Variants in PSEN2 observed in about 807,000 individuals in gnomAD.
PSEN2 encodes the protein presenilin-2.
In PSEN2, 32 loss-of-function variants were observed where a neutral mutation model predicts 49.1. That is an observed-to-expected ratio of 0.65 (90% CI 0.49 to 0.88). The LOEUF is 0.88. Ranked by LOEUF, PSEN2 falls within the 40% of genes least tolerant of loss-of-function variation. The pLI is 0.00. For synonymous variants in PSEN2, 255 were observed against 244.0 expected, an observed-to-expected ratio of 1.05 and a Z score of -0.42; for missense variants, 522 against 586.9, an observed-to-expected ratio of 0.89 and a Z score of 1.14.
chr1:226,873,841 C>T (rs1159129840), intron 2 of PSEN2, among the ~76,000 whole-genome samples: 1 of 152,202 alleles, frequency 6.6e-6, no homozygotes, highest in Non-Finnish European at 1.5e-5. Context: ...GTTATGCCTT[C>T]AGAATTTTCC....
intron 6 of PSEN2, among the ~76,000 whole-genome samples, chr1:226,886,766 G>A (rs568198282): frequency 1.3e-5 from 2 of 152,250 alleles, no homozygotes; most frequent in South Asian, 4.1e-4. Flanking sequence ...AAAGCCATGG[G>A]AGGGGCTGCA....
intron 3 of PSEN2, among the ~76,000 whole-genome samples, chr1:226,879,228 G>T (rs1219945463): frequency 6.6e-6 from 1 of 152,134 alleles, no homozygotes; most frequent in Non-Finnish European, 1.5e-5. Flanking sequence ...AGATGATGAA[G>T]GAACTAAAGC....
chr1:226,891,336 C>A lies in PSEN2; in HGVS notation c.945C>A (p.Leu315=). 6.2e-7 allele frequency: 1 copy of A among 1,613,804 alleles called. No homozygotes were observed. The highest frequency in any genetic ancestry group is 8.5e-7 in the Non-Finnish European group (1 of 1,179,930). Residue 315 remains leucine, a synonymous_variant, in exon 10 of 13, where the codon CTC becomes CTA. Coordinates refer to ENST00000366783, the MANE Select transcript of PSEN2 (RefSeq NM_000447.3). ...TGGACCCCTCCTCTCAGGGTGCCCT[C>A]CAGCTCCCCTACGACCCGGAGATGG... is the stretch of plus-strand genomic sequence containing the variant. ...AKLDPSSQGA[L]QLPYDPEMEE... is the part of the protein sequence containing the mutation.
rs199538648 is a variant in PSEN2, at chr1:226,880,695, C to T, written c.-20-1193C>T. ...GCCAGGCATTGTTTGAAGTTCTTCCCAGCCCAGAAACCTGCATGTGTAGAT... is the reference window on the plus strand; with the variant it reads ...GCCAGGCATTGTTTGAAGTTCTTCCTAGCCCAGAAACCTGCATGTGTAGAT... On this transcript the variant is annotated intron_variant, in intron 3 of 12. Coordinates refer to ENST00000366783, the MANE Select transcript of PSEN2 (RefSeq NM_000447.3). The T allele has an allele frequency of 7.4e-6, 12 of 1,612,794 alleles. No homozygotes were observed. In the East Asian group the frequency reaches 2.4e-4, roughly 33 times the overall value.
At chr1:226,885,769 A>C in intron 6 of PSEN2, 90 bp downstream of exon 6, 2 of 1,538,330 alleles carry the variant, frequency 1.3e-6, no homozygotes, top group Non-Finnish European at 1.8e-6. Flanking sequence ...GCCTTTAGAA[A>C]AACACAAATT....
intron 12 of PSEN2, among the ~76,000 whole-genome samples, chr1:226,894,902 A>C (rs1296106923): frequency 6.6e-6 from 1 of 152,160 alleles, no homozygotes; most frequent in African/African-American, 2.4e-5. Flanking sequence ...CTGGCCCCAA[A>C]GATATAGAAG....
chr1:226,896,994 C>T (rs902298819), downstream of PSEN2, among the ~76,000 whole-genome samples: 1 of 152,110 alleles, frequency 6.6e-6, no homozygotes, highest in African/African-American at 2.4e-5. Flanking sequence ...TTCCCCCAGG[C>T]TGTTTGAGGA....
chr1:226,896,719 A>G (rs895698944), downstream of PSEN2, among the ~76,000 whole-genome samples: 4 of 152,012 alleles, frequency 2.6e-5, no homozygotes, highest in African/African-American at 9.7e-5. Flanking sequence ...AAATTAGCCA[A>G]GCATGGTGGC....
intron 3 of PSEN2, 67 bp from the exon 4 acceptor site, chr1:226,881,821 C>T (rs1661011135): frequency 5.6e-6 from 9 of 1,598,856 alleles, no homozygotes; most frequent in Non-Finnish European, 7.7e-6. Flanking sequence ...TCCAGCCACC[C>T]CCTGAGTCCT....
intron 3 of PSEN2, among the ~76,000 whole-genome samples, chr1:226,878,425 A>C (rs975168878): frequency 6.6e-6 from 1 of 152,132 alleles, no homozygotes; most frequent in Non-Finnish European, 1.5e-5. Context: ...AACTGATTCT[A>C]CTTGATCCTG....
intron 11 of PSEN2, among the ~76,000 whole-genome samples, 178 bp from the exon 12 acceptor site, chr1:226,893,829 T>C (rs1428350901): frequency 6.6e-6 from 1 of 150,944 alleles, no homozygotes; most frequent in Non-Finnish European, 1.5e-5. Context: ...GCTTTCCCAC[T>C]GGCCACTGAT....
In PSEN2 at chr1:226,891,273, C is replaced by G; in HGVS notation, c.887-5C>G. Reference sequence around the variant, plus strand: ...CTGAGATGTGAACCTTTTCTCCTCCCCCAGCTGCCATGGTGTGGACGGTTG... The same window carrying G: ...CTGAGATGTGAACCTTTTCTCCTCCGCCAGCTGCCATGGTGTGGACGGTTG... On this transcript the variant is annotated splice_polypyrimidine_tract_variant and splice_region_variant and intron_variant, in intron 9 of 12. Transcript: ENST00000366783. The G allele has an allele frequency of 6.2e-7, 1 of 1,613,474 alleles. No homozygotes were observed. Among genetic ancestry groups the G allele is most frequent in the Non-Finnish European group, 8.5e-7 (1 of 1,179,842 alleles).
At chr1:226,877,757 T>C (rs1164569633) in intron 3 of PSEN2, among the ~76,000 whole-genome samples, 1 of 152,238 alleles carries the variant, frequency 6.6e-6, no homozygotes, top group African/African-American at 2.4e-5. Flanking sequence ...AGGGAACACT[T>C]GTTTTCTGGT....
intron 4 of PSEN2, among the ~76,000 whole-genome samples, chr1:226,883,331 T>C (rs1192823455): frequency 2.0e-5 from 3 of 152,228 alleles, no homozygotes; most frequent in Admixed American, 1.3e-4. Context: ...AAATGTTTAT[T>C]TATCTCCTGG....
chr1:226,870,777 C>T (rs1283664948), intron 1 of PSEN2, 128 bp downstream of exon 1: 2 of 152,318 alleles, frequency 1.3e-5, no homozygotes, highest in African/African-American at 2.4e-5. Context: ...CGGTCCCTTC[C>T]CCGGCTGTGG....
At chr1:226,898,091 G>A (rs1317288311), downstream of PSEN2, 1 of 152,074 alleles carries the variant, frequency 6.6e-6, no homozygotes, top group East Asian at 1.9e-4. Context: ...TGAGTAGCTG[G>A]GATTACAGTT....
chr1:226,901,033 C>T (rs79200620), downstream of PSEN2, among the ~76,000 whole-genome samples: 1,418 of 152,256 alleles, frequency 9.3e-3, 22 homozygotes, highest in African/African-American at 0.031. Flanking sequence ...TATAAGCCCA[C>T]GGTATGTGGT....
intron 3 of PSEN2, among the ~76,000 whole-genome samples, chr1:226,878,281 T>C (rs1313834237): frequency 6.6e-6 from 1 of 152,090 alleles, no homozygotes; most frequent in Non-Finnish European, 1.5e-5. Context: ...GGTTTCCCCA[T>C]GTTGGCTAGG....
In PSEN2 at chr1:226,891,780, C is replaced by A; in HGVS notation, c.1008C>A (p.Tyr336Ter). Reference sequence around the variant, plus strand: ...ATGACAGTTTTGGGGAGCCTTCATACCCCGAAGTCTTTGAGCCTCCCTTGA... The same window carrying A: ...ATGACAGTTTTGGGGAGCCTTCATAACCCGAAGTCTTTGAGCCTCCCTTGA... ...DSYDSFGEPS[Y>*]PEVFEPPLTG... Residue 336 changes from tyrosine to a stop codon, truncating the protein, a stop_gained, in exon 11 of 13, where the codon TAC becomes TAA. Coordinates refer to ENST00000366783, the MANE Select transcript of PSEN2 (RefSeq NM_000447.3). LOFTEE classifies it high-confidence loss of function. The A allele has an allele frequency of 6.2e-7, 1 of 1,614,148 alleles. No individual in the cohort carries two copies.
Sources: allele counts gnomAD v4.1 joint callset (sites outside exome capture counted in the v4.1 genomes callset), GRCh38; gene constraint gnomAD v4.1.1; transcripts MANE v1.5; gene names NCBI Gene and HGNC (gene_info 2026-07-23, HGNC 2026-07-21).